Variants in NKAIN2 observed in about 807,000 individuals in gnomAD.
NKAIN2 encodes the protein sodium/potassium-transporting ATPase subunit beta-1-interacting protein 2.
Under a neutral mutation model 32.6 loss-of-function variants are expected in NKAIN2, and 14 were observed. The ratio of observed to expected loss-of-function variants is 0.43; its 90% CI spans 0.28 to 0.67. NKAIN2 has a LOEUF of 0.67. Among genes scored for constraint, NKAIN2 ranks in the 30% least tolerant of loss-of-function variants. The pLI is 0.17. For missense variants in NKAIN2, 198 were observed against 258.3 expected, an observed-to-expected ratio of 0.77 and a Z score of 1.60; for synonymous variants, 80 against 87.2, an observed-to-expected ratio of 0.92 and a Z score of 0.46.
chr6:123,958,352 A>G (rs1178634332), intron 1 of NKAIN2, among the ~76,000 whole-genome samples: 1 of 152,234 alleles, frequency 6.6e-6, no homozygotes, highest in East Asian at 1.9e-4. Flanking sequence ...GGCACCTGTG[A>G]GGCAGGATGC....
chr6:124,420,383 G>A (rs1774692734), intron 3 of NKAIN2, among the ~76,000 whole-genome samples: 1 of 152,110 alleles, frequency 6.6e-6, no homozygotes, highest in Non-Finnish European at 1.5e-5. Flanking sequence ...AAGAAGTGAA[G>A]TGAAGGTAGG....
At chr6:124,335,864 TTATC>T (rs1306516706) in intron 2 of NKAIN2, among the ~76,000 whole-genome samples, 1 of 152,166 alleles carries the variant, frequency 6.6e-6, no homozygotes, top group Non-Finnish European at 1.5e-5. Flanking sequence ...GGAACACACT[TTATC>T]TATTTTTTTG....
intron 3 of NKAIN2, chr6:124,437,879 T>G (rs764412048): frequency 1.2e-5 from 5 of 408,236 alleles, no homozygotes; most frequent in African/African-American, 8.7e-5. Context: ...TTGATTTTTT[T>G]TTTTTTTTTT....
intron 6 of NKAIN2, among the ~76,000 whole-genome samples, chr6:124,820,673 T>C (rs2114883228): frequency 6.6e-6 from 1 of 152,318 alleles, no homozygotes; most frequent in East Asian, 1.9e-4. Context: ...TGTTAGGAGC[T>C]GAGCACAGAG....
chr6:124,700,553 T>G (rs1481851040), intron 4 of NKAIN2, among the ~76,000 whole-genome samples: 1 of 152,130 alleles, frequency 6.6e-6, no homozygotes, highest in Non-Finnish European at 1.5e-5. Flanking sequence ...TCTGCCAGCT[T>G]TCTTCAAAAA....
At chr6:124,467,978 A>G (rs1264355918) in intron 3 of NKAIN2, among the ~76,000 whole-genome samples, 1 of 152,136 alleles carries the variant, frequency 6.6e-6, no homozygotes, top group African/African-American at 2.4e-5. Flanking sequence ...TAGAACTCAC[A>G]TCATTAGATC....
At chr6:123,897,961 C>T (rs1774363878) in intron 1 of NKAIN2, among the ~76,000 whole-genome samples, 1 of 152,182 alleles carries the variant, frequency 6.6e-6, no homozygotes, top group African/African-American at 2.4e-5. Context: ...CCCATTGAGG[C>T]TTCATTCCTA....
intron 2 of NKAIN2, among the ~76,000 whole-genome samples, chr6:124,325,145 A>G (rs1417526817): frequency 6.6e-6 from 1 of 152,136 alleles, no homozygotes; most frequent in Non-Finnish European, 1.5e-5. Flanking sequence ...AATTTAATTT[A>G]TTATTTAAAA....
At chr6:124,079,563 A>C (rs1783856161) in intron 1 of NKAIN2, among the ~76,000 whole-genome samples, 1 of 152,178 alleles carries the variant, frequency 6.6e-6, no homozygotes, top group South Asian at 2.1e-4. Flanking sequence ...AAAAGTATTT[A>C]TAGCCTTTGA....
chr6:124,823,135 G>T (rs1277500683), intron 6 of NKAIN2, 85 bp from the exon 7 acceptor site: 1 of 922,418 alleles, frequency 1.1e-6, no homozygotes, highest in African/African-American at 1.6e-5. Context: ...GTTTGCTCTT[G>T]TGCTTGGAAA....
At chr6:123,856,491 C>T (rs905241711) in intron 1 of NKAIN2, among the ~76,000 whole-genome samples, 1 of 152,132 alleles carries the variant, frequency 6.6e-6, no homozygotes, top group African/African-American at 2.4e-5. Context: ...ATAAATGTTT[C>T]TCTTTCTTTG....
intron 1 of NKAIN2, among the ~76,000 whole-genome samples, chr6:124,039,238 A>G (rs1582513416): frequency 6.6e-6 from 1 of 152,182 alleles, no homozygotes. Flanking sequence ...GTCAATACAT[A>G]TTGAAGGCCA....
chr6:124,639,124 A>G (rs891440845), intron 3 of NKAIN2, among the ~76,000 whole-genome samples: 1 of 152,108 alleles, frequency 6.6e-6, no homozygotes, highest in African/African-American at 2.4e-5. Context: ...CTTATACACC[A>G]TTGGTGGGAA....
chr6:124,403,932 T>C (rs1773736651), intron 3 of NKAIN2, among the ~76,000 whole-genome samples: 1 of 152,188 alleles, frequency 6.6e-6, no homozygotes, highest in South Asian at 2.1e-4. Context: ...TTCATAATTA[T>C]GTATTTTATT....
At chr6:124,582,909 A>C (rs553103417) in intron 3 of NKAIN2, among the ~76,000 whole-genome samples, 1 of 152,252 alleles carries the variant, frequency 6.6e-6, no homozygotes, top group South Asian at 2.1e-4. Flanking sequence ...AGCACTTGAT[A>C]AAATTCAACA....
intron 1 of NKAIN2, among the ~76,000 whole-genome samples, chr6:124,059,624 C>G (rs1422871280): frequency 6.6e-6 from 1 of 152,138 alleles, no homozygotes; most frequent in Non-Finnish European, 1.5e-5. Flanking sequence ...AATGCATCCG[C>G]CTGACTCTGT....
chr6:124,036,207 C>A (rs1781598421), intron 1 of NKAIN2, among the ~76,000 whole-genome samples: 1 of 152,080 alleles, frequency 6.6e-6, no homozygotes, highest in African/African-American at 2.4e-5. Flanking sequence ...GGTAAAAAAT[C>A]TTAGAGTATG....
At chr6:123,896,504 A>C (rs903035328) in intron 1 of NKAIN2, among the ~76,000 whole-genome samples, 41 of 152,214 alleles carry the variant, frequency 2.7e-4, no homozygotes, top group Non-Finnish European at 1.5e-4. Flanking sequence ...TTCACAAAAG[A>C]AAGAAGAGAA....
At chr6:123,884,718 A>G (rs796106670) in intron 1 of NKAIN2, among the ~76,000 whole-genome samples, 12 of 152,200 alleles carry the variant, frequency 7.9e-5, no homozygotes, top group African/African-American at 2.9e-4. Context: ...AAACATTACA[A>G]ACACTTCATG....
Sources: gnomAD v4.1 joint callset for allele counts (sites outside exome capture counted in the v4.1 genomes callset) on GRCh38, gnomAD v4.1.1 for gene constraint, MANE v1.5 for transcripts, NCBI Gene and HGNC (gene_info 2026-07-23, HGNC 2026-07-21) for gene names.